CPEB4: variants seen among roughly 807,000 people sequenced by gnomAD.
CPEB4 encodes cytoplasmic polyadenylation element binding protein 4, also known as cytoplasmic polyadenylation element-binding protein 4.
CPEB4 carries 12 observed loss-of-function variants against 72.5 expected under a neutral mutation model. That is an observed-to-expected ratio of 0.17 (90% CI 0.11 to 0.27). CPEB4 has a LOEUF of 0.27. Among genes scored for constraint, CPEB4 ranks in the 10% least tolerant of loss-of-function variants. The probability of loss-of-function intolerance (pLI) is 1.00; values close to 1 mark genes in which losing one functional copy is unlikely to be tolerated. For synonymous variants in CPEB4, 302 were observed against 326.3 expected (o/e 0.93, Z 0.80); for missense variants, 614 against 908.5 (o/e 0.68, Z 4.17).
At chr5:173,903,614 G>A (rs910424181) in intron 1 of CPEB4, among the ~76,000 whole-genome samples, 1 of 152,102 alleles carries the variant, frequency 6.6e-6, no homozygotes, top group Non-Finnish European at 1.5e-5. Context: ...TATGAGAAAC[G>A]CTGGCTTAGA....
At chr5:173,926,885 A>G (rs1581141803) in intron 2 of CPEB4, among the ~76,000 whole-genome samples, 2 of 152,356 alleles carry the variant, frequency 1.3e-5, no homozygotes, top group East Asian at 3.9e-4. Context: ...ACCGTGGCTC[A>G]TGCCTGTAAT....
chr5:173,913,656 A>G (rs1322653112), intron 2 of CPEB4, among the ~76,000 whole-genome samples: 3 of 152,160 alleles, frequency 2.0e-5, no homozygotes, highest in Non-Finnish European at 4.4e-5. Context: ...CTCCTTACCA[A>G]TTTTTACTAA....
intron 1 of CPEB4, among the ~76,000 whole-genome samples, chr5:173,908,296 A>T (rs754794877): frequency 1.3e-5 from 2 of 152,100 alleles, no homozygotes; most frequent in Non-Finnish European, 2.9e-5. Flanking sequence ...TGTTCAGGAG[A>T]TGAGGATAAT....
chr5:173,915,312 AT>A (rs1196407971), intron 2 of CPEB4, among the ~76,000 whole-genome samples: 1 of 152,044 alleles, frequency 6.6e-6, no homozygotes, highest in Non-Finnish European at 1.5e-5. Context: ...TTTATAACTT[AT>A]TTTTAATTGC....
intron 2 of CPEB4, among the ~76,000 whole-genome samples, chr5:173,922,334 G>A (rs952664326): frequency 2.0e-5 from 3 of 151,990 alleles, no homozygotes; most frequent in Non-Finnish European, 4.4e-5. Flanking sequence ...GGGCTCAAAC[G>A]CTCCTCCCAC....
intron 1 of CPEB4, among the ~76,000 whole-genome samples, chr5:173,905,763 G>T (rs73808316): frequency 0.014 from 2,112 of 152,198 alleles, 51 homozygotes; most frequent in African/African-American, 0.047. Flanking sequence ...CTTATTTTTG[G>T]TTCCTGCCAT....
intron 5 of CPEB4, among the ~76,000 whole-genome samples, chr5:173,946,752 T>C (rs1395404528): frequency 1.3e-5 from 2 of 152,200 alleles, no homozygotes; most frequent in Non-Finnish European, 2.9e-5. Context: ...ATGAAGTTTG[T>C]AATTCTTTCC....
At chr5:173,942,686 G>A (rs543285763) in intron 3 of CPEB4, among the ~76,000 whole-genome samples, 2 of 152,272 alleles carry the variant, frequency 1.3e-5, no homozygotes, top group African/African-American at 2.4e-5. Context: ...GAGAGAAAAC[G>A]TTATTAATAT....
chr5:173,914,809 A>G (rs1756805620), intron 2 of CPEB4, among the ~76,000 whole-genome samples: 1 of 152,224 alleles, frequency 6.6e-6, no homozygotes. Flanking sequence ...AGTAGAGAAC[A>G]GTATACCACT....
intron 2 of CPEB4, among the ~76,000 whole-genome samples, chr5:173,911,758 C>CTTCATTCA (rs368468085): frequency 1.2e-4 from 16 of 139,116 alleles, no homozygotes; most frequent in East Asian, 8.4e-4. Flanking sequence ...CTGTTGGCTC[C>CTTCATTCA]TTCATTCATT....
chr5:173,919,643 T>C (rs1244928591), intron 2 of CPEB4, among the ~76,000 whole-genome samples: 2 of 152,242 alleles, frequency 1.3e-5, no homozygotes, highest in African/African-American at 4.8e-5. Flanking sequence ...AGGCTTTCCT[T>C]GATCTTGTTA....
At chr5:173,951,287 T>C (rs577250168) in intron 7 of CPEB4, among the ~76,000 whole-genome samples, 1 of 151,860 alleles carries the variant, frequency 6.6e-6, no homozygotes, top group South Asian at 2.1e-4. Context: ...TTGACTTATC[T>C]AATGGATACA....
intron 1 of CPEB4, among the ~76,000 whole-genome samples, chr5:173,895,591 T>C (rs1412948445): frequency 6.6e-6 from 1 of 152,226 alleles, no homozygotes; most frequent in African/African-American, 2.4e-5. Context: ...GCAACCTCAT[T>C]ACATTTTCTT....
rs1758197466 is a variant in CPEB4, at chr5:173,950,952, C to T, written c.1666-872C>T. ...AAGCAGCAGTTTATTATCACTCAGC[C>T]AGCACCCAGTGAATGATGATAGTGC... On this transcript the variant is annotated intron_variant, in intron 7 of 9. Transcript: ENST00000265085. This position sits in a 1 kb window ranked among gnomAD's most constrained non-coding sequence, Gnocchi z 5.0. Among the ~76,000 whole-genome samples, 1 of 152,198 alleles carries T rather than the reference C, an allele frequency of 6.6e-6. No individual in the cohort carries two copies. Among genetic ancestry groups the T allele is most frequent in the Admixed American group, 6.5e-5 (1 of 15,280 alleles).
chr5:173,934,545 G>C (rs182737307), intron 3 of CPEB4, among the ~76,000 whole-genome samples: 1 of 152,146 alleles, frequency 6.6e-6, no homozygotes, highest in Admixed American at 6.5e-5. Context: ...TACAGTTGCC[G>C]TGGTCTCAGG....
chr5:173,946,812 C>T (rs1253019833), intron 5 of CPEB4, among the ~76,000 whole-genome samples: 1 of 152,138 alleles, frequency 6.6e-6, no homozygotes, highest in Non-Finnish European at 1.5e-5. Context: ...TGAACCAGTA[C>T]AACTTCCATG....
chr5:173,947,499 A>G lies in CPEB4; in HGVS notation c.1457-2009A>G, dbSNP rs566401942. On this transcript the variant is annotated intron_variant, in intron 5 of 9. Coordinates refer to ENST00000265085, the MANE Select transcript of CPEB4 (RefSeq NM_030627.4). Reference sequence around the variant, plus strand: ...ACAAAGGTAGAAGGTAGAGGAGGCTATAGGGGAAAGATTGGTTACATTGAG... The same window carrying G: ...ACAAAGGTAGAAGGTAGAGGAGGCTGTAGGGGAAAGATTGGTTACATTGAG... 2.6e-5 allele frequency among the ~76,000 whole-genome samples: 4 copies of G among 152,290 alleles called. No individual in the cohort carries two copies. The East Asian group carries it at 7.7e-4, about 29-fold the overall frequency.
intron 5 of CPEB4, among the ~76,000 whole-genome samples, chr5:173,949,060 C>G (rs577889404): frequency 7.6e-4 from 116 of 152,286 alleles, no homozygotes; most frequent in African/African-American, 2.6e-3. Context: ...GACTGATGCT[C>G]TGAGGATATG....
chr5:173,949,741 A>G lies in CPEB4; in HGVS notation c.1546+144A>G, dbSNP rs771156681. On this transcript the variant is annotated intron_variant, in intron 6 of 9. Transcript: ENST00000265085. ...AAATGCTCTTTAAAATTTCAACATA[A>G]TATTCTTTTAATTCAAATTTAATTT... 4.9e-5 allele frequency: 34 copies of G among 690,590 alleles called. 1 individual carries two copies. The highest frequency in any genetic ancestry group is 7.2e-5 in the Non-Finnish European group (30 of 416,294). The allele number at this position is 690,590 out of a possible 1,614,324, so 42.8% of individuals were successfully genotyped here.
Sources: allele counts gnomAD v4.1 joint callset (sites outside exome capture counted in the v4.1 genomes callset), GRCh38; gene constraint gnomAD v4.1.1; non-coding constraint Gnocchi (gnomAD v3.1); transcripts MANE v1.5; gene names NCBI Gene and HGNC (gene_info 2026-07-23, HGNC 2026-07-21).